The following HIP1 variants were observed in gnomAD, a reference collection of about 807,000 sequenced individuals.
HIP1 encodes the protein huntingtin interacting protein 1, also known as huntingtin-interacting protein 1.
A neutral mutation model predicts 147.6 loss-of-function variants in HIP1; 65 were observed. The ratio of observed to expected loss-of-function variants is 0.44; its 90% CI spans 0.36 to 0.54. HIP1 has a LOEUF of 0.54. Among genes scored for constraint, HIP1 ranks in the 20% least tolerant of loss-of-function variants. The pLI is 0.00. For missense variants in HIP1, 1,061 were observed against 1,299.6 expected, an observed-to-expected ratio of 0.82 and a Z score of 2.82; for synonymous variants, 479 against 504.0, an observed-to-expected ratio of 0.95 and a Z score of 0.67.
At chr7:75,595,204 CTTTCTTTCTTTCTTTCTTTCTTTCTTT>C (rs1796651514) in intron 2 of HIP1, among the ~76,000 whole-genome samples, 1 of 59,918 alleles carries the variant, frequency 1.7e-5, no homozygotes, top group African/African-American at 8.8e-5. Flanking sequence ...TTCTTTCTTT[CTTTCTTTCTTTCTTTCTTTCTTTCTTT>C]CTTTCTTTCT....
intron 1 of HIP1, among the ~76,000 whole-genome samples, chr7:75,614,232 G>T (rs768875599): frequency 6.6e-6 from 1 of 152,178 alleles, no homozygotes; most frequent in South Asian, 2.1e-4. Context: ...GTAGAGACGG[G>T]GTCTTACTAT....
intron 29 of HIP1, among the ~76,000 whole-genome samples, chr7:75,540,526 G>A (rs371019852): frequency 8.6e-5 from 13 of 151,694 alleles, no homozygotes; most frequent in African/African-American, 2.4e-4. Context: ...GGGAGGATCC[G>A]CCTGAGCCCA....
chr7:75,601,936 TAAA>T (rs71519372), intron 1 of HIP1, among the ~76,000 whole-genome samples: 4 of 145,838 alleles, frequency 2.7e-5, no homozygotes, highest in Middle Eastern at 3.5e-3. Context: ...AATGAAAGGT[TAAA>T]AAAAAAAACT....
chr7:75,538,476 C>T (rs1289334076), intron 30 of HIP1, among the ~76,000 whole-genome samples: 1 of 151,164 alleles, frequency 6.6e-6, no homozygotes, highest in Non-Finnish European at 1.5e-5. Context: ...ATGCAGACAA[C>T]AACATATAGA....
intron 1 of HIP1, among the ~76,000 whole-genome samples, chr7:75,622,853 C>CTATG (rs1374980499): frequency 1.0e-4 from 3 of 29,594 alleles, no homozygotes; most frequent in Non-Finnish European, 1.7e-4. Context: ...AAATAATTAT[C>CTATG]TATCTATCTA....
intron 19 of HIP1, among the ~76,000 whole-genome samples, chr7:75,554,875 G>A (rs587694193): frequency 2.6e-5 from 4 of 151,714 alleles, no homozygotes; most frequent in African/African-American, 7.3e-5. Context: ...GACCATCCTG[G>A]GCAATAGAGT....
intron 22 of HIP1, among the ~76,000 whole-genome samples, chr7:75,550,438 A>T (rs1376139770): frequency 1.3e-5 from 2 of 152,126 alleles, no homozygotes; most frequent in African/African-American, 4.8e-5. Flanking sequence ...AAGACAAAAC[A>T]TAAAAGCCTG....
chr7:75,662,935 T>G (rs1195623060), intron 1 of HIP1, among the ~76,000 whole-genome samples: 3 of 152,208 alleles, frequency 2.0e-5, no homozygotes, highest in Non-Finnish European at 4.4e-5. Context: ...AGATCCGAGC[T>G]GCTTCCTGCA....
At chr7:75,615,460 G>A (rs1166638532) in intron 1 of HIP1, among the ~76,000 whole-genome samples, 4 of 152,124 alleles carry the variant, frequency 2.6e-5, no homozygotes, top group Non-Finnish European at 4.4e-5. Context: ...GCTGAGGCAG[G>A]AGGATTGCTT....
chr7:75,702,397 C>G (rs868946266), intron 1 of HIP1, among the ~76,000 whole-genome samples: 1 of 151,658 alleles, frequency 6.6e-6, no homozygotes, highest in Non-Finnish European at 1.5e-5. Context: ...CGTGAGCCAC[C>G]GCACCCGGCC....
chr7:75,685,934 C>T (rs951173340), intron 1 of HIP1, among the ~76,000 whole-genome samples: 2 of 151,682 alleles, frequency 1.3e-5, no homozygotes, highest in African/African-American at 4.8e-5. Context: ...GAGTCTCTGT[C>T]GCCTAGGCTG....
chr7:75,683,317 T>C (rs1800156120), intron 1 of HIP1, among the ~76,000 whole-genome samples: 1 of 152,010 alleles, frequency 6.6e-6, no homozygotes. Flanking sequence ...GAGGTGCTGG[T>C]TGGGGGCACT....
intron 1 of HIP1, among the ~76,000 whole-genome samples, chr7:75,600,946 C>CG (rs1229399357): frequency 1.2e-4 from 18 of 151,480 alleles, no homozygotes; most frequent in Admixed American, 1.1e-3. Context: ...TTGGTAGAGA[C>CG]GGGGTCTCAC....
intron 7 of HIP1, among the ~76,000 whole-genome samples, chr7:75,575,867 G>A (rs782447223): frequency 1.3e-5 from 2 of 151,774 alleles, no homozygotes; most frequent in Admixed American, 6.6e-5. Flanking sequence ...CCTGTATTCC[G>A]CTTCCCGACT....
chr7:75,539,471 CT>C, intron 29 of HIP1, 40 bp from the exon 30 acceptor site: 1 of 1,418,272 alleles, frequency 7.1e-7, no homozygotes, highest in Non-Finnish European at 9.9e-7. Flanking sequence ...TTAATCATCT[CT>C]CAGAGATTTA....
At chr7:75,682,912 C>T (rs940418617) in intron 1 of HIP1, among the ~76,000 whole-genome samples, 17 of 152,034 alleles carry the variant, frequency 1.1e-4, no homozygotes, top group Non-Finnish European at 2.1e-4. Context: ...TGGGATGGGG[C>T]GTGCTATCTA....
Position 75,553,496 on chromosome 7 carries a change from GT to G in HIP1, c.2251del (p.Thr751GlnfsTer3). 6.2e-7 allele frequency: 1 copy of G among 1,614,170 alleles called. No individual in the cohort carries two copies. Among genetic ancestry groups the G allele is most frequent in the Non-Finnish European group, 8.5e-7 (1 of 1,180,020 alleles). ...CTTGCTCAGGCAGTTCCTCATGGCT[GT>G]GCTGTCGGCATTCTCAAGGCTTCCC... Reference protein sequence around the residue: ...EEGSLENADSTAMRNCLSKIK... With the variant: ...EEGSLENADSXAMRNCLSKIK... On this transcript the variant is annotated frameshift_variant, in exon 22 of 31. Transcript: ENST00000336926. LOFTEE classifies it high-confidence loss of function.
intron 1 of HIP1, among the ~76,000 whole-genome samples, chr7:75,616,607 G>A (rs1317284545): frequency 2.0e-5 from 2 of 99,700 alleles, no homozygotes; most frequent in Non-Finnish European, 5.6e-5. Context: ...GGAGGAGGAG[G>A]AGGAGGAAGA....
At chr7:75,579,199 T>C (rs1390094686) in intron 7 of HIP1, among the ~76,000 whole-genome samples, 1 of 152,148 alleles carries the variant, frequency 6.6e-6, no homozygotes, top group East Asian at 1.9e-4. Flanking sequence ...TAGACTAGAT[T>C]CTGCGTTTTA....
Sources: allele counts gnomAD v4.1 joint callset (sites outside exome capture counted in the v4.1 genomes callset), GRCh38; gene constraint gnomAD v4.1.1; transcripts MANE v1.5; gene names NCBI Gene and HGNC (gene_info 2026-07-23, HGNC 2026-07-21).